ERBB4: variants seen among roughly 807,000 people sequenced by gnomAD.
ERBB4 encodes the protein receptor tyrosine-protein kinase erbB-4.
In ERBB4, 42 loss-of-function variants were observed where a neutral mutation model predicts 158.0. The observed-to-expected ratio is 0.27, with a 90% confidence interval of 0.21 to 0.34. The LOEUF is 0.34. Among genes scored for constraint, ERBB4 ranks in the 10% least tolerant of loss-of-function variants. ERBB4 has a pLI of 1.00. For missense variants in ERBB4, 1,333 were observed against 1,624.1 expected, an observed-to-expected ratio of 0.82 and a Z score of 3.08; for synonymous variants, 583 against 558.7, an observed-to-expected ratio of 1.04 and a Z score of -0.61.
intron 19 of ERBB4, among the ~76,000 whole-genome samples, chr2:211,613,220 G>T (rs2069265298): frequency 1.3e-5 from 2 of 152,032 alleles, no homozygotes; most frequent in Admixed American, 6.6e-5. Context: ...TTCTGATATT[G>T]CTTACTGCCT....
At chr2:212,016,877 A>T (rs1256153302) in intron 2 of ERBB4, among the ~76,000 whole-genome samples, 1 of 152,124 alleles carries the variant, frequency 6.6e-6, no homozygotes. Context: ...GGGGACTTAT[A>T]AAAAGAAAGA....
Position 211,375,946 on chromosome 2 carries a change from A to C in ERBB4, c.*7669T>G, listed in dbSNP as rs1020073266. 3 of 232,802 alleles carry C rather than the reference A, an allele frequency of 1.3e-5. No individual in the cohort carries two copies. The highest frequency in any genetic ancestry group is 2.6e-5 in the Non-Finnish European group (3 of 117,588). 14.4% of individuals were successfully genotyped at this position (232,802 alleles called of 1,614,324 possible). A position where few individuals can be genotyped will look rare whatever the true frequency, so the allele number is the denominator to read the frequency against. ...ACTAACGGAAAAGCCTAATTACATA[A>C]ATGTAAAATACTGTTTCTCCCTCAT... On this transcript the variant is annotated 3_prime_UTR_variant, in exon 28 of 28. Transcript: ENST00000342788.
chr2:212,435,737 T>C (rs1351084655), intron 1 of ERBB4, among the ~76,000 whole-genome samples: 1 of 151,982 alleles, frequency 6.6e-6, no homozygotes, highest in East Asian at 1.9e-4. Context: ...TATATGTTAA[T>C]ATTATTTAGA....
chr2:212,138,322 C>T (rs73071228), intron 1 of ERBB4, among the ~76,000 whole-genome samples: 2,639 of 152,196 alleles, frequency 0.017, 62 homozygotes, highest in African/African-American at 0.06. Flanking sequence ...ATGATGTTAC[C>T]GATCTACTCA....
In ERBB4 at chr2:211,422,030, G is replaced by T; in HGVS notation, c.2941C>A (p.Pro981Thr). ...ACCTGAATAACTAGGTATCTTTGAG[G>T]GTCTCGAGCCATCCTTGAAAACTCA... ...AAEFSRMARD[P>T]QRYLVIQGDD... The change falls in exon 24 of 28, where the codon CCT (proline) becomes ACT (threonine). Residue 981 changes from proline to threonine, a missense_variant. Pro to Thr is a conservative substitution (Grantham distance 38). Transcript: ENST00000342788. The T allele has an allele frequency of 6.2e-7, 1 of 1,610,412 alleles. No individual in the cohort carries two copies. Among genetic ancestry groups the T allele is most frequent in the Non-Finnish European group, 8.5e-7 (1 of 1,177,022 alleles).
intron 4 of ERBB4, among the ~76,000 whole-genome samples, chr2:211,774,814 G>A (rs1225327628): frequency 6.6e-6 from 1 of 152,164 alleles, no homozygotes; most frequent in Non-Finnish European, 1.5e-5. Context: ...ATATTGGGCT[G>A]TTAACTGTTA....
At chr2:212,307,161 T>C (rs1338839350) in intron 1 of ERBB4, among the ~76,000 whole-genome samples, 1 of 151,232 alleles carries the variant, frequency 6.6e-6, no homozygotes, top group Non-Finnish European at 1.5e-5. Context: ...ATTTAGTCTC[T>C]CAAAGCCTCA....
chr2:211,515,431 A>G lies in ERBB4; in HGVS notation c.2487+46472T>C, dbSNP rs114324791. Among the ~76,000 whole-genome samples the G allele has an allele frequency of 4.5e-3, 687 of 152,280 alleles. 7 individuals are homozygous for G. The highest frequency in any genetic ancestry group is 0.015 in the African/African-American group (635 of 41,580). On this transcript the variant is annotated intron_variant, in intron 20 of 27. Transcript: ENST00000342788. ...TCCCAAACACAGGGAAGTTTTAATC[A>G]GAAATCTTATTAATTCCAGATTTCT...
At chr2:211,414,982 A>G (rs1382794372) in intron 25 of ERBB4, among the ~76,000 whole-genome samples, 1 of 151,890 alleles carries the variant, frequency 6.6e-6, no homozygotes, top group Non-Finnish European at 1.5e-5. Context: ...TACTTGGGTT[A>G]TAGTGAGCAT....
intron 20 of ERBB4, among the ~76,000 whole-genome samples, chr2:211,465,064 C>T (rs1286457880): frequency 6.6e-6 from 1 of 151,554 alleles, no homozygotes; most frequent in Admixed American, 6.6e-5. Context: ...TTACTGCAAC[C>T]TTGAACTTCT....
intron 9 of ERBB4, among the ~76,000 whole-genome samples, chr2:211,711,084 T>C (rs1245970506): frequency 2.6e-5 from 4 of 151,668 alleles, no homozygotes; most frequent in Admixed American, 1.3e-4. Context: ...GGCAGCTACA[T>C]ACATACTATT....
At chr2:211,865,480 T>C (rs544003235) in intron 3 of ERBB4, among the ~76,000 whole-genome samples, 1 of 152,244 alleles carries the variant, frequency 6.6e-6, no homozygotes, top group South Asian at 2.1e-4. Context: ...TTGATAATTA[T>C]ATCTTTTATT....
intron 12 of ERBB4, among the ~76,000 whole-genome samples, chr2:211,688,852 A>G (rs1041243510): frequency 3.3e-5 from 5 of 152,178 alleles, no homozygotes; most frequent in African/African-American, 4.8e-5. Context: ...GACTAAATGG[A>G]ATGCTTTCCT....
chr2:212,305,470 C>T (rs1420790268), intron 1 of ERBB4, among the ~76,000 whole-genome samples: 1 of 151,214 alleles, frequency 6.6e-6, no homozygotes, highest in East Asian at 1.9e-4. Flanking sequence ...TTCTGTAACT[C>T]TGTTTCTACT....
chr2:211,562,733 T>G (rs1050413898), intron 19 of ERBB4, among the ~76,000 whole-genome samples: 2 of 151,934 alleles, frequency 1.3e-5, no homozygotes, highest in Non-Finnish European at 2.9e-5. Flanking sequence ...TTCATAAAAT[T>G]TGAGAGCTGA....
At chr2:212,306,366 A>C (rs917595861) in intron 1 of ERBB4, among the ~76,000 whole-genome samples, 1 of 151,442 alleles carries the variant, frequency 6.6e-6, no homozygotes, top group Non-Finnish European at 1.5e-5. Context: ...CACAAACCCC[A>C]TCTTAGCACT....
At chr2:211,820,287 T>A (rs553769530) in intron 3 of ERBB4, among the ~76,000 whole-genome samples, 1 of 151,976 alleles carries the variant, frequency 6.6e-6, no homozygotes, top group African/African-American at 2.4e-5. Flanking sequence ...AAATAGTGTC[T>A]CTTCTACTGT....
chr2:211,782,069 A>T (rs561789920), intron 4 of ERBB4, among the ~76,000 whole-genome samples: 21 of 152,110 alleles, frequency 1.4e-4, no homozygotes, highest in Non-Finnish European at 2.4e-4. Flanking sequence ...CTTTCACTAA[A>T]ATCTCCTTAA....
At chr2:211,622,643 A>C (rs963627179) in intron 18 of ERBB4, among the ~76,000 whole-genome samples, 2 of 152,020 alleles carry the variant, frequency 1.3e-5, no homozygotes, top group Non-Finnish European at 2.9e-5. Context: ...TGTTTGTAAA[A>C]TGTAGGCTTA....
Sources: allele counts gnomAD v4.1 joint callset (sites outside exome capture counted in the v4.1 genomes callset), GRCh38; gene constraint gnomAD v4.1.1; transcripts MANE v1.5; gene names NCBI Gene and HGNC (gene_info 2026-07-23, HGNC 2026-07-21).